IGSF21: variants seen among roughly 807,000 people sequenced by gnomAD.
IGSF21 encodes immunoglobin superfamily member 21.
Under a neutral mutation model 46.8 loss-of-function variants are expected in IGSF21, and 28 were observed. The ratio of observed to expected loss-of-function variants is 0.60; its 90% CI spans 0.44 to 0.82. IGSF21 has a LOEUF of 0.82. Ranked by LOEUF, IGSF21 falls within the 40% of genes least tolerant of loss-of-function variation. IGSF21 has a pLI of 0.00. For synonymous variants in IGSF21, 284 were observed against 273.6 expected, an observed-to-expected ratio of 1.04 and a Z score of -0.38; for missense variants, 624 against 665.5, an observed-to-expected ratio of 0.94 and a Z score of 0.69.
chr1:18,373,998 G>A lies in IGSF21; in HGVS notation c.1016-2312G>A, dbSNP rs534584023. Among the ~76,000 whole-genome samples, 69 of 152,292 alleles carry A rather than the reference G, an allele frequency of 4.5e-4. 1 individual carries two copies. The highest frequency in any genetic ancestry group is 1.6e-3 in the African/African-American group (67 of 41,574). ...CAAGCCCTTTAGAAAGCAGGGCAGT[G>A]AGGAATCTAACCTAGAAGGGAAAGG... On this transcript the variant is annotated intron_variant, in intron 6 of 9. Transcript: ENST00000251296.
chr1:18,327,985 C>T (rs2085674333), intron 3 of IGSF21, among the ~76,000 whole-genome samples: 1 of 152,216 alleles, frequency 6.6e-6, no homozygotes, highest in Non-Finnish European at 1.5e-5. Flanking sequence ...ACCCCTAAGA[C>T]TCGACAGGAT....
chr1:18,217,951 T>A lies in IGSF21; in HGVS notation c.71-9947T>A, dbSNP rs1426320791. 3.3e-5 allele frequency among the ~76,000 whole-genome samples: 5 copies of A among 152,356 alleles called. No individual in the cohort carries two copies. The East Asian group carries it at 7.7e-4, about 23-fold the overall frequency. On this transcript the variant is annotated intron_variant, in intron 1 of 9. Transcript: ENST00000251296. Reference sequence around the variant, plus strand: ...AAATCCTTTGAAAACTGCCAAGCACTGGTCACATGTTCATTTTTTCATTCC... The same window carrying A: ...AAATCCTTTGAAAACTGCCAAGCACAGGTCACATGTTCATTTTTTCATTCC...
chr1:18,281,565 CA>C (rs1198619675), intron 2 of IGSF21, among the ~76,000 whole-genome samples: 27,287 of 100,926 alleles, frequency 0.27, 2,495 homozygotes, highest in Middle Eastern at 0.31. Context: ...GACTCTGTCT[CA>C]AAAAAAAAAA....
chr1:18,228,095 TG>T, intron 2 of IGSF21, 85 bp downstream of exon 2: 2 of 1,065,318 alleles, frequency 1.9e-6, no homozygotes, highest in South Asian at 2.6e-5. Flanking sequence ...CTCACTGGTG[TG>T]GCTATGACCT....
At chr1:18,303,622 A>C (rs1034416065) in intron 3 of IGSF21, among the ~76,000 whole-genome samples, 9 of 152,226 alleles carry the variant, frequency 5.9e-5, no homozygotes, top group African/African-American at 2.2e-4. Context: ...GCATGTTTCA[A>C]GCACCTCAAG....
At chr1:18,186,576 T>A (rs1307822970) in intron 1 of IGSF21, among the ~76,000 whole-genome samples, 2 of 152,182 alleles carry the variant, frequency 1.3e-5, no homozygotes, top group Non-Finnish European at 2.9e-5. Flanking sequence ...ATCTCTTACC[T>A]CCTTTCTTGT....
chr1:18,367,195 T>A (rs1243966658), intron 6 of IGSF21, among the ~76,000 whole-genome samples: 1 of 152,228 alleles, frequency 6.6e-6, no homozygotes, highest in Non-Finnish European at 1.5e-5. Flanking sequence ...GACTGCAGCT[T>A]GTGTCAGGTG....
chr1:18,128,448 T>C (rs527722518), intron 1 of IGSF21, among the ~76,000 whole-genome samples: 1 of 152,282 alleles, frequency 6.6e-6, no homozygotes, highest in East Asian at 1.9e-4. Flanking sequence ...TGTAGCTGAT[T>C]CCTTCCCTGG....
In IGSF21 at chr1:18,376,507, C is replaced by G. The variant is rs1013145884; in HGVS notation, c.1101+112C>G. On this transcript the variant is annotated intron_variant, in intron 7 of 9. Transcript: ENST00000251296. ...ACACTCTTCCTTTGATCCCCAGCCA[C>G]ATCCAGTGGGTTTCAGTTTCCCAAT... 1.5e-5 allele frequency: 13 copies of G among 848,800 alleles called. No homozygotes were observed. The African/African-American group carries it at 1.7e-4, about 11-fold the overall frequency. The allele number at this position is 848,800 out of a possible 1,614,324, so 52.6% of individuals were successfully genotyped here. A position where few individuals can be genotyped will look rare whatever the true frequency, so the allele number is the denominator to read the frequency against.
At chr1:18,303,452 G>A (rs1381640995) in intron 3 of IGSF21, among the ~76,000 whole-genome samples, 2 of 152,134 alleles carry the variant, frequency 1.3e-5, no homozygotes, top group African/African-American at 4.8e-5. Flanking sequence ...GGGGCACTGG[G>A]GTCACCTGTT....
At chr1:18,150,977 G>A (rs2086516906) in intron 1 of IGSF21, among the ~76,000 whole-genome samples, 1 of 152,218 alleles carries the variant, frequency 6.6e-6, no homozygotes, top group Non-Finnish European at 1.5e-5. Context: ...CAGGGGTGGT[G>A]CCTGTCCCAG....
At chr1:18,115,834 GAAGGAAGGAAGAAAGAAAGAAAGAAAGA>G (rs1243070113) in intron 1 of IGSF21, 19 of 92,882 alleles carry the variant, frequency 2.0e-4, no homozygotes, top group African/African-American at 9.0e-4. Context: ...AGGAAGGAAG[GAAGGAAGGAAGAAAGAAAGAAAGAAAGA>G]AAGAAAGAAA....
intron 1 of IGSF21, among the ~76,000 whole-genome samples, chr1:18,222,383 A>C (rs2084518960): frequency 6.6e-6 from 1 of 152,094 alleles, no homozygotes; most frequent in African/African-American, 2.4e-5. Context: ...CTGTTCTTTC[A>C]ACCTCTACCT....
intron 2 of IGSF21, among the ~76,000 whole-genome samples, chr1:18,271,200 G>A (rs1017462534): frequency 1.3e-5 from 2 of 152,108 alleles, no homozygotes; most frequent in Non-Finnish European, 2.9e-5. Flanking sequence ...ACCACCCACC[G>A]TAGACATACC....
intron 2 of IGSF21, among the ~76,000 whole-genome samples, chr1:18,235,665 C>G (rs1437176558): frequency 6.6e-6 from 1 of 152,182 alleles, no homozygotes; most frequent in African/African-American, 2.4e-5. Flanking sequence ...GAAAAATGGG[C>G]AGAGACCGTT....
At chr1:18,238,907 C>A (rs11260965) in intron 2 of IGSF21, among the ~76,000 whole-genome samples, 1 of 152,018 alleles carries the variant, frequency 6.6e-6, no homozygotes, top group African/African-American at 2.4e-5. Context: ...GAGATGGTCT[C>A]TAAGGAATAT....
intron 1 of IGSF21, among the ~76,000 whole-genome samples, chr1:18,189,186 G>A (rs1456163227): frequency 2.6e-5 from 4 of 152,350 alleles, no homozygotes; most frequent in African/African-American, 4.8e-5. Context: ...AGCCAATGTC[G>A]CCCGACTTTG....
chr1:18,187,523 A>G (rs1203930013), intron 1 of IGSF21, among the ~76,000 whole-genome samples: 2 of 152,206 alleles, frequency 1.3e-5, no homozygotes, highest in Non-Finnish European at 2.9e-5. Flanking sequence ...AAAACCGTCA[A>G]ATTTCACGAG....
chr1:18,331,734 C>G (rs1557647181), intron 3 of IGSF21, among the ~76,000 whole-genome samples: 1 of 152,134 alleles, frequency 6.6e-6, no homozygotes, highest in Non-Finnish European at 1.5e-5. Context: ...GATAGAAAGC[C>G]CAGTAAACCT....
Sources: gnomAD v4.1 joint callset for allele counts (sites outside exome capture counted in the v4.1 genomes callset) on GRCh38, gnomAD v4.1.1 for gene constraint, MANE v1.5 for transcripts, NCBI Gene and HGNC (gene_info 2026-07-23, HGNC 2026-07-21) for gene names.